Variants in GBE1 observed in about 807,000 individuals in gnomAD.
GBE1 encodes 1,4-alpha-glucan-branching enzyme.
A neutral mutation model predicts 88.8 loss-of-function variants in GBE1; 70 were observed. The ratio of observed to expected loss-of-function variants is 0.79; its 90% CI spans 0.65 to 0.96. GBE1 has a LOEUF of 0.96. Among genes scored for constraint, GBE1 ranks in the 40% least tolerant of loss-of-function variants. The pLI is 0.00. For synonymous variants in GBE1, 284 were observed against 300.1 expected (o/e 0.95, Z 0.56); for missense variants, 872 against 871.0 (o/e 1.00, Z -0.01).
intron 7 of GBE1, among the ~76,000 whole-genome samples, chr3:81,635,432 C>G (rs1035781752): frequency 6.6e-6 from 1 of 151,988 alleles, no homozygotes; most frequent in African/African-American, 2.4e-5. Flanking sequence ...TGGATGCTTT[C>G]GAAATTATAA....
chr3:81,645,470 A>G (rs1003758357), intron 6 of GBE1, among the ~76,000 whole-genome samples: 32 of 152,168 alleles, frequency 2.1e-4, no homozygotes, highest in African/African-American at 7.5e-4. Context: ...GAAGGTCACT[A>G]ATACCCTTGA....
At chr3:81,520,575 T>C (rs1281363327) in intron 14 of GBE1, among the ~76,000 whole-genome samples, 2 of 151,596 alleles carry the variant, frequency 1.3e-5, no homozygotes, top group African/African-American at 2.4e-5. Flanking sequence ...TAAAGAAATA[T>C]AATAATGATT....
chr3:81,514,473 A>T (rs1326231828), intron 14 of GBE1, among the ~76,000 whole-genome samples: 1 of 151,696 alleles, frequency 6.6e-6, no homozygotes, highest in African/African-American at 2.4e-5. Flanking sequence ...GCTTATTTAT[A>T]GGAATTAATT....
intron 14 of GBE1, among the ~76,000 whole-genome samples, chr3:81,522,905 A>G (rs1009846710): frequency 7.3e-5 from 11 of 151,692 alleles, no homozygotes; most frequent in Admixed American, 5.3e-4. Flanking sequence ...ATTGCAACTT[A>G]TAACTAGTAT....
intron 14 of GBE1, among the ~76,000 whole-genome samples, chr3:81,527,895 C>T (rs1319071047): frequency 2.6e-5 from 4 of 151,962 alleles, no homozygotes; most frequent in Non-Finnish European, 5.9e-5. Flanking sequence ...ATAAATCATG[C>T]CGCTATAAAG....
chr3:81,733,529 C>T lies in GBE1; in HGVS notation c.143+27846G>A, dbSNP rs867026459. On this transcript the variant is annotated intron_variant, in intron 1 of 15. Coordinates refer to ENST00000429644, the MANE Select transcript of GBE1 (RefSeq NM_000158.4). This position sits in a 1 kb window ranked among gnomAD's most constrained non-coding sequence, Gnocchi z 4.0. The stretch of plus-strand genomic sequence containing the variant: ...TTTGGGGACCCCTGCTCTTGGCAAA[C>T]CCCTGTGTAGAGGCTTTTGCACTGG... Among the ~76,000 whole-genome samples the T allele has an allele frequency of 6.6e-6, 1 of 151,816 alleles. No individual in the cohort carries two copies. Among genetic ancestry groups the T allele is most frequent in the African/African-American group, 2.4e-5 (1 of 41,320 alleles).
intron 3 of GBE1, among the ~76,000 whole-genome samples, chr3:81,664,025 A>G (rs956162200): frequency 2.6e-5 from 4 of 152,268 alleles, no homozygotes; most frequent in Non-Finnish European, 5.9e-5. Context: ...AGAAAAAAAA[A>G]TATTTTCTCC....
At chr3:81,558,989 T>A (rs2106906631) in intron 12 of GBE1, among the ~76,000 whole-genome samples, 2 of 152,128 alleles carry the variant, frequency 1.3e-5, no homozygotes, top group Non-Finnish European at 2.9e-5. Flanking sequence ...CAGCATATAC[T>A]GGCAAGAGAA....
At position 81,541,459 on chromosome 3, in the gene GBE1, G is replaced by GC. The variant is rs1035830044; in HGVS notation, c.1619-4365dup. 3.4e-5 allele frequency among the ~76,000 whole-genome samples: 5 copies of GC among 146,822 alleles called. No individual in the cohort carries two copies. In the South Asian group the frequency reaches 6.4e-4, roughly 19 times the overall value. On this transcript the variant is annotated intron_variant, in intron 12 of 15. Transcript: ENST00000429644. The stretch of plus-strand genomic sequence containing the variant: ...TGATGGGCTGCAAGTTGCCCCCCCC[G>GC]CCACCTCGCCCAAATTCATATGTTG...
At chr3:81,576,480 C>T (rs1703648860) in intron 12 of GBE1, among the ~76,000 whole-genome samples, 1 of 152,124 alleles carries the variant, frequency 6.6e-6, no homozygotes, top group African/African-American at 2.4e-5. Context: ...CCTTACTTTA[C>T]ATGGTGACAT....
intron 12 of GBE1, among the ~76,000 whole-genome samples, chr3:81,559,677 G>T (rs1208791448): frequency 6.6e-6 from 1 of 151,880 alleles, no homozygotes; most frequent in Non-Finnish European, 1.5e-5. Context: ...CACGTTGCTG[G>T]AATTGGTTTT....
At chr3:81,560,046 T>C (rs1703396714) in intron 12 of GBE1, among the ~76,000 whole-genome samples, 1 of 152,042 alleles carries the variant, frequency 6.6e-6, no homozygotes, top group Non-Finnish European at 1.5e-5. Flanking sequence ...AGTCTTGCTT[T>C]AATAAATAAA....
chr3:81,543,903 C>T (rs1703172341), intron 12 of GBE1, among the ~76,000 whole-genome samples: 1 of 152,068 alleles, frequency 6.6e-6, no homozygotes, highest in African/African-American at 2.4e-5. Flanking sequence ...ATGATAGGTA[C>T]ACATATGTAC....
At chr3:81,582,037 C>T (rs1240054907) in intron 10 of GBE1, among the ~76,000 whole-genome samples, 1 of 152,072 alleles carries the variant, frequency 6.6e-6, no homozygotes, top group Non-Finnish European at 1.5e-5. Flanking sequence ...TTTCTTCCCG[C>T]CACTCCCGAC....
rs760095778 is a variant in GBE1, at chr3:81,591,051, T to C, written c.1222A>G (p.Ile408Val). 25 of 1,609,240 alleles carry C rather than the reference T, an allele frequency of 1.6e-5. No homozygotes were observed. Among genetic ancestry groups the C allele is most frequent in the Middle Eastern group, 3.3e-4 (2 of 6,074 alleles). The change falls in exon 9 of 16, where the codon ATA (isoleucine) becomes GTA (valine). Residue 408 changes from isoleucine to valine, a missense_variant. Ile to Val is a conservative substitution (Grantham distance 29). Coordinates refer to ENST00000429644, the MANE Select transcript of GBE1 (RefSeq NM_000158.4). ...TATGGCTTTACCTCAGCTATTGTTA[T>C]AGAATCGGGACACAGCGTGTGAACC... is the stretch of plus-strand genomic sequence containing the variant. ...HLVHTLCPDS[I>V]TIAEDVSGMP...
chr3:81,598,786 G>C (rs1703992614), intron 7 of GBE1, among the ~76,000 whole-genome samples: 1 of 151,542 alleles, frequency 6.6e-6, no homozygotes, highest in African/African-American at 2.4e-5. Flanking sequence ...AAACTAGTGA[G>C]ATAAATTGTT....
intron 12 of GBE1, among the ~76,000 whole-genome samples, chr3:81,562,728 C>T (rs1281261496): frequency 6.6e-6 from 1 of 152,058 alleles, no homozygotes; most frequent in East Asian, 1.9e-4. Context: ...TCCCCTCAAC[C>T]TCTCAAAGAA....
chr3:81,546,767 A>T (rs951112914), intron 12 of GBE1, among the ~76,000 whole-genome samples: 4 of 151,466 alleles, frequency 2.6e-5, no homozygotes, highest in Non-Finnish European at 5.9e-5. Context: ...ATGAACAACC[A>T]GCAGCCCTTG....
In GBE1 at chr3:81,623,148, C is replaced by T. The variant is rs191806053; in HGVS notation, c.992+19633G>A. ...AGAAAACTGAATCTCCTTACAAGGG[C>T]CTACAAGGTTTTATATGATCTGACA... On this transcript the variant is annotated intron_variant, in intron 7 of 15. Coordinates refer to ENST00000429644, the MANE Select transcript of GBE1 (RefSeq NM_000158.4). Among the ~76,000 whole-genome samples, 774 of 152,256 alleles carry T rather than the reference C, an allele frequency of 5.1e-3. 3 individuals carry two copies. The highest frequency in any genetic ancestry group is 8.9e-3 in the South Asian group (43 of 4,814).
Sources: allele counts gnomAD v4.1 joint callset (sites outside exome capture counted in the v4.1 genomes callset), GRCh38; gene constraint gnomAD v4.1.1; non-coding constraint Gnocchi (gnomAD v3.1); transcripts MANE v1.5; gene names NCBI Gene and HGNC (gene_info 2026-07-23, HGNC 2026-07-21).